The following PCCA variants were observed in gnomAD, a reference collection of about 807,000 sequenced individuals.
PCCA encodes propionyl-CoA carboxylase alpha chain, mitochondrial.
A neutral mutation model predicts 101.3 loss-of-function variants in PCCA; 74 were observed. The observed-to-expected ratio is 0.73, with a 90% CI of 0.61 to 0.89. PCCA has a LOEUF of 0.89. Among genes scored for constraint, PCCA ranks in the 40% least tolerant of loss-of-function variants. The pLI is 0.00. For missense variants in PCCA, 891 were observed against 907.0 expected (o/e 0.98, Z 0.23); for synonymous variants, 294 against 313.6 (o/e 0.94, Z 0.66).
intron 16 of PCCA, among the ~76,000 whole-genome samples, chr13:100,312,726 T>C (rs1172600670): frequency 6.6e-6 from 1 of 152,248 alleles, no homozygotes; most frequent in Non-Finnish European, 1.5e-5. Context: ...AATGCATTAT[T>C]ACTATAAAAT....
intron 19 of PCCA, among the ~76,000 whole-genome samples, chr13:100,410,296 G>A (rs888046351): frequency 6.6e-6 from 1 of 152,182 alleles, no homozygotes; most frequent in Non-Finnish European, 1.5e-5. Flanking sequence ...AGGCTGGAGT[G>A]CATTGGCATG....
chr13:100,313,715 T>C (rs969362388), intron 16 of PCCA, among the ~76,000 whole-genome samples: 4 of 152,194 alleles, frequency 2.6e-5, no homozygotes, highest in African/African-American at 9.7e-5. Flanking sequence ...ATTCCTCTTA[T>C]AGTTAGCATG....
intron 19 of PCCA, 79 bp downstream of exon 19, chr13:100,368,653 G>A: frequency 1.1e-6 from 1 of 875,886 alleles, no homozygotes; most frequent in Non-Finnish European, 1.9e-6. Flanking sequence ...CCTGTTCAGT[G>A]ACTCTCGTCT....
At chr13:100,113,736 G>A (rs1421633850) in intron 4 of PCCA, among the ~76,000 whole-genome samples, 2 of 151,790 alleles carry the variant, frequency 1.3e-5, no homozygotes, top group Non-Finnish European at 2.9e-5. Context: ...GTGTCACCAC[G>A]CTCGGCTAAT....
At chr13:100,294,441 G>C (rs181705958) in intron 12 of PCCA, among the ~76,000 whole-genome samples, 1 of 151,758 alleles carries the variant, frequency 6.6e-6, no homozygotes, top group Non-Finnish European at 1.5e-5. Flanking sequence ...TTCCGTTTTC[G>C]TGGTCACTCT....
intron 4 of PCCA, among the ~76,000 whole-genome samples, chr13:100,120,705 G>GC (rs1566514021): frequency 8.5e-5 from 13 of 152,130 alleles, no homozygotes; most frequent in African/African-American, 2.9e-4. Context: ...AGCAAAATGG[G>GC]AGTTAAGCCT....
Position 100,166,345 on chromosome 13 carries a change from C to T in PCCA, c.468+9005C>T, listed in dbSNP as rs182264610. Reference sequence around the variant, plus strand: ...TGTTTTGTTTTGGAGACAGAGTTTCCCCTCTTTTGCCCAGGCTAGAGTGCA... The same window carrying T: ...TGTTTTGTTTTGGAGACAGAGTTTCTCCTCTTTTGCCCAGGCTAGAGTGCA... On this transcript the variant is annotated intron_variant, in intron 6 of 23. Transcript: ENST00000376285. Among the ~76,000 whole-genome samples the T allele has an allele frequency of 9.2e-5, 14 of 152,184 alleles. No homozygotes were observed. The East Asian group carries it at 2.5e-3, about 27-fold the overall frequency.
intron 19 of PCCA, among the ~76,000 whole-genome samples, chr13:100,390,839 G>A (rs893150906): frequency 2.6e-5 from 4 of 152,248 alleles, no homozygotes; most frequent in Non-Finnish European, 4.4e-5. Context: ...TGAGATATGC[G>A]GACAAGTGGA....
At chr13:100,234,731 C>T (rs1420170527) in intron 7 of PCCA, among the ~76,000 whole-genome samples, 1 of 151,022 alleles carries the variant, frequency 6.6e-6, no homozygotes, top group African/African-American at 2.4e-5. Flanking sequence ...GACATGGTTG[C>T]TCTACATTTT....
chr13:100,465,424 A>AG (rs2082439860), intron 21 of PCCA, among the ~76,000 whole-genome samples: 1 of 152,204 alleles, frequency 6.6e-6, no homozygotes, highest in Non-Finnish European at 1.5e-5. Flanking sequence ...CTTTTTTAAA[A>AG]TCAGGGAGTG....
At chr13:100,281,585 T>C (rs1260704037) in intron 12 of PCCA, among the ~76,000 whole-genome samples, 1 of 152,202 alleles carries the variant, frequency 6.6e-6, no homozygotes, top group Non-Finnish European at 1.5e-5. Flanking sequence ...TTATAATACT[T>C]TGTTTAAAAA....
chr13:100,092,469 G>A (rs1347800763), intron 1 of PCCA, among the ~76,000 whole-genome samples: 1 of 151,512 alleles, frequency 6.6e-6, no homozygotes, highest in East Asian at 1.9e-4. Context: ...TGCAGCCTCT[G>A]CCTCCTGGGC....
At chr13:100,227,219 C>A (rs888197774) in intron 7 of PCCA, among the ~76,000 whole-genome samples, 1 of 152,074 alleles carries the variant, frequency 6.6e-6, no homozygotes, top group Non-Finnish European at 1.5e-5. Flanking sequence ...TCAGGTGATC[C>A]GCCTGCCTCT....
intron 21 of PCCA, among the ~76,000 whole-genome samples, chr13:100,487,688 T>G (rs1415387117): frequency 2.0e-5 from 3 of 152,166 alleles, no homozygotes; most frequent in African/African-American, 7.2e-5. Flanking sequence ...AGAGCTCATT[T>G]TGTGGGATAC....
At chr13:100,127,453 A>G (rs2050065693) in intron 4 of PCCA, among the ~76,000 whole-genome samples, 1 of 152,194 alleles carries the variant, frequency 6.6e-6, no homozygotes, top group Non-Finnish European at 1.5e-5. Flanking sequence ...AACTTAAACA[A>G]CATGGTTTTA....
At chr13:100,527,845 A>C in intron 23 of PCCA, 93 bp downstream of exon 23, 1 of 924,174 alleles carries the variant, frequency 1.1e-6, no homozygotes, top group Admixed American at 1.7e-5. Flanking sequence ...AAAGGGCCAC[A>C]GAGGCGCCCT....
intron 19 of PCCA, among the ~76,000 whole-genome samples, chr13:100,371,486 C>T (rs2075569096): frequency 6.6e-6 from 1 of 152,128 alleles, no homozygotes; most frequent in South Asian, 2.1e-4. Flanking sequence ...CAGTACCTCT[C>T]AGCTACTTGG....
At chr13:100,385,309 G>A (rs948372108) in intron 19 of PCCA, among the ~76,000 whole-genome samples, 5 of 152,160 alleles carry the variant, frequency 3.3e-5, no homozygotes, top group Non-Finnish European at 5.9e-5. Flanking sequence ...TGCAAAGAAT[G>A]TAAAACTGTC....
chr13:100,272,855 T>C (rs1741707116), intron 11 of PCCA, among the ~76,000 whole-genome samples: 1 of 152,208 alleles, frequency 6.6e-6, no homozygotes, highest in Non-Finnish European at 1.5e-5. Context: ...AATAAGTTAT[T>C]TTTCTCCCAG....
Sources: allele counts gnomAD v4.1 joint callset (sites outside exome capture counted in the v4.1 genomes callset), GRCh38; gene constraint gnomAD v4.1.1; transcripts MANE v1.5; gene names NCBI Gene and HGNC (gene_info 2026-07-23, HGNC 2026-07-21).